The following TTC21B variants were observed in gnomAD, a reference collection of about 807,000 sequenced individuals.
TTC21B encodes the protein tetratricopeptide repeat protein 21B.
In TTC21B, 127 loss-of-function variants were observed where a neutral mutation model predicts 175.1. That is an observed-to-expected ratio of 0.73 (90% CI 0.63 to 0.84). The LOEUF (loss-of-function observed/expected upper bound fraction) is 0.84. Ranked by LOEUF, TTC21B falls within the 40% of genes least tolerant of loss-of-function variation. The pLI, the probability that TTC21B is intolerant of heterozygous loss-of-function variation, is 0.00. For missense variants in TTC21B, 1,561 were observed against 1,558.3 expected (o/e 1.00, Z -0.03); for synonymous variants, 524 against 524.5 (o/e 1.00, Z 0.01).
Position 165,874,580 on chromosome 2 carries a change from G to A in TTC21B, c.*175C>T. ...ACCAGCTCTCATTCAACTCCATTAGGAAACACCAATTTCACATAGTACTTC... is the reference window on the plus strand; with the variant it reads ...ACCAGCTCTCATTCAACTCCATTAGAAAACACCAATTTCACATAGTACTTC... On this transcript the variant is annotated 3_prime_UTR_variant, in exon 29 of 29. Transcript: ENST00000243344. 1.6e-6 allele frequency: 1 copy of A among 613,268 alleles called. No individual in the cohort carries two copies. Among genetic ancestry groups the A allele is most frequent in the Non-Finnish European group, 2.9e-6 (1 of 339,830 alleles). 38.0% of individuals were successfully genotyped at this position (613,268 alleles called of 1,614,324 possible).
intron 8 of TTC21B, 53 bp from the exon 9 acceptor site, chr2:165,930,417 G>T: frequency 7.8e-7 from 1 of 1,277,390 alleles, no homozygotes; most frequent in Non-Finnish European, 1.1e-6. Flanking sequence ...TTTCTACTGA[G>T]ACTAAAGGAT....
Position 165,874,836 on chromosome 2 carries a change from C to A in TTC21B, c.3874-4G>T, listed in dbSNP as rs1380741120. 1 of 1,613,070 alleles carries A rather than the reference C, an allele frequency of 6.2e-7. No individual in the cohort carries two copies. On this transcript the variant is annotated splice_region_variant and splice_polypyrimidine_tract_variant and intron_variant, in intron 28 of 28. Transcript: ENST00000243344. ...AAGTTGGATGTGCTTCAAGAACCTG[C>A]AAAACAAATAAAGAACCCATAAAAA... is the stretch of plus-strand genomic sequence containing the variant.
chr2:165,921,482 T>C lies in TTC21B; in HGVS notation c.1517-2049A>G, dbSNP rs57923832. ...GATTTGGGTTAGTATCCTGTTGCTA[T>C]AATAAAACTGTAATTTCAAGTCTAG... On this transcript the variant is annotated intron_variant, in intron 12 of 28. Coordinates refer to ENST00000243344, the MANE Select transcript of TTC21B (RefSeq NM_024753.5). 5.8e-3 allele frequency among the ~76,000 whole-genome samples: 880 copies of C among 152,306 alleles called. 5 individuals are homozygous for C. The highest frequency in any genetic ancestry group is 0.025 in the East Asian group (127 of 5,182).
intron 22 of TTC21B, among the ~76,000 whole-genome samples, chr2:165,896,369 T>C (rs1215692234): frequency 3.9e-5 from 6 of 152,026 alleles, no homozygotes; most frequent in Non-Finnish European, 8.8e-5. Context: ...ATTTGTTGAG[T>C]ACTAACTAGG....
intron 6 of TTC21B, among the ~76,000 whole-genome samples, chr2:165,936,438 A>G (rs1186950142): frequency 2.0e-5 from 3 of 152,144 alleles, no homozygotes; most frequent in Non-Finnish European, 4.4e-5. Context: ...GGCATAATTC[A>G]TGAAAGAAAG....
intron 5 of TTC21B, among the ~76,000 whole-genome samples, chr2:165,942,622 T>C (rs1463391956): frequency 6.6e-6 from 1 of 152,106 alleles, no homozygotes; most frequent in Non-Finnish European, 1.5e-5. Flanking sequence ...TAGCCCTGAA[T>C]ACACCTTAGG....
Position 165,901,878 on chromosome 2 carries a change from ACG to A in TTC21B, c.2599_2600del (p.Arg867CysfsTer18). The stretch of plus-strand genomic sequence containing the variant: ...CTGCATCTGGCTGTTCCATCTGAAC[ACG>A]TTTTAGTACCCGAGCTTGTAATTCT... Reference protein sequence around the residue: ...ARELQARVLKRVQMEQPDAVP... With the variant: ...ARELQARVLKXVQMEQPDAVP... On this transcript the variant is annotated frameshift_variant, in exon 20 of 29. Transcript: ENST00000243344. LOFTEE classifies it high-confidence loss of function. The A allele has an allele frequency of 6.2e-7, 1 of 1,614,060 alleles. No homozygotes were observed. The highest frequency in any genetic ancestry group is 1.1e-5 in the South Asian group (1 of 91,082).
intron 1 of TTC21B, among the ~76,000 whole-genome samples, chr2:165,952,316 T>C (rs778217476): frequency 3.3e-5 from 5 of 152,194 alleles, no homozygotes; most frequent in Non-Finnish European, 7.3e-5. Context: ...TAAAGTTTTA[T>C]TGAAACACAG....
In TTC21B at chr2:165,929,352, T is replaced by C. The variant is rs763494498; in HGVS notation, c.1186-17A>G. 6.3e-7 allele frequency: 1 copy of C among 1,575,482 alleles called. No individual in the cohort carries two copies. Among genetic ancestry groups the C allele is most frequent in the South Asian group, 1.1e-5 (1 of 89,594 alleles). On this transcript the variant is annotated splice_polypyrimidine_tract_variant and intron_variant, in intron 10 of 28. Coordinates refer to ENST00000243344, the MANE Select transcript of TTC21B (RefSeq NM_024753.5). ...GATTAATTCCTAGAAAATAAGTAGTTTTCATAAATTATTCCATTTAGTTAT... is the reference window on the plus strand; with the variant it reads ...GATTAATTCCTAGAAAATAAGTAGTCTTCATAAATTATTCCATTTAGTTAT...
At chr2:165,880,452 T>C (rs1191230386) in intron 27 of TTC21B, among the ~76,000 whole-genome samples, 2 of 152,306 alleles carry the variant, frequency 1.3e-5, no homozygotes, top group East Asian at 3.9e-4. Context: ...AGAATTAGAC[T>C]AGATGTACAC....
intron 18 of TTC21B, among the ~76,000 whole-genome samples, chr2:165,909,815 T>C (rs1317111946): frequency 6.6e-6 from 1 of 152,182 alleles, no homozygotes; most frequent in East Asian, 1.9e-4. Flanking sequence ...TGGAATACTC[T>C]ACATATGCTA....
At chr2:165,935,780 G>T (rs1687111400) in intron 6 of TTC21B, among the ~76,000 whole-genome samples, 1 of 152,124 alleles carries the variant, frequency 6.6e-6, no homozygotes. Flanking sequence ...AGATTTCTAT[G>T]AGGAAAATTT....
chr2:165,930,732 G>GTGTGTGTGTGTGTGTGTGTGTGTGTGT lies in TTC21B; in HGVS notation c.895-369_895-368insACACACACACACACACACACACACACA. ...TATTTTATGGTTACGTGGGTATGGG[G>GTGTGTGTGTGTGTGTGTGTGTGTGTGT]GTGTGTGTGTGTGTGTGTGTGTGTG... On this transcript the variant is annotated intron_variant, in intron 8 of 28. Transcript: ENST00000243344. Among the ~76,000 whole-genome samples the GTGTGTGTGTGTGTGTGTGTGTGTGTGT allele has an allele frequency of 4.6e-3, 504 of 110,572 alleles. 51 individuals are homozygous for GTGTGTGTGTGTGTGTGTGTGTGTGTGT. The highest frequency in any genetic ancestry group is 7.1e-3 in the Non-Finnish European group (342 of 48,118). The allele number at this position is 110,572 out of a possible 152,430, so 72.5% of individuals were successfully genotyped here.
At position 165,913,588 on chromosome 2, in the gene TTC21B, T is replaced by C. The variant is rs772826953; in HGVS notation, c.2197A>G (p.Met733Val). ...RSFLLLGDAY[M>V]NILEPEEAIV... is the part of the protein sequence containing the mutation. ...AGAAATTTTACCTCTAGAATATTCA[T>C]GTATGCATCACCAAGGAGAAGAAAA... Residue 733 changes from methionine to valine, a missense_variant, in exon 16 of 29, where the codon ATG (methionine) becomes GTG (valine). Coordinates refer to ENST00000243344, the MANE Select transcript of TTC21B (RefSeq NM_024753.5). The C allele has an allele frequency of 8.1e-6, 13 of 1,612,264 alleles. No individual in the cohort carries two copies. In the Admixed American group the frequency reaches 1.3e-4, roughly 17 times the overall value.
At chr2:165,895,551 C>T (rs1157722637) in intron 22 of TTC21B, among the ~76,000 whole-genome samples, 1 of 151,798 alleles carries the variant, frequency 6.6e-6, no homozygotes, top group African/African-American at 2.4e-5. Flanking sequence ...GAAATGGGAA[C>T]AGCTTGAGAT....
In TTC21B at chr2:165,909,135, AAG is replaced by A. The variant is rs200148100; in HGVS notation, c.2462-1353_2462-1352del. Among the ~76,000 whole-genome samples, 1,337 of 152,248 alleles carry A rather than the reference AAG, an allele frequency of 8.8e-3. 21 individuals carry two copies. Among genetic ancestry groups the A allele is most frequent in the African/African-American group, 0.031 (1,275 of 41,560 alleles). On this transcript the variant is annotated intron_variant, in intron 18 of 28. Coordinates refer to ENST00000243344, the MANE Select transcript of TTC21B (RefSeq NM_024753.5). ...TCCTATAATCAGAGCAATGTATATG[AAG>A]GAGTTTATTATAAAATAAAGGAGCC...
chr2:165,918,530 T>C (rs528583696), intron 13 of TTC21B, among the ~76,000 whole-genome samples: 165 of 152,100 alleles, frequency 1.1e-3, no homozygotes, highest in African/African-American at 3.8e-3. Context: ...CTCCTGACCT[T>C]GTGATCTGCC....
At position 165,880,840 on chromosome 2, in the gene TTC21B, T is replaced by A. The variant is rs1323519481; in HGVS notation, c.3685-41A>T. 5 of 1,598,836 alleles carry A rather than the reference T, an allele frequency of 3.1e-6. No homozygotes were observed. In the African/African-American group the frequency reaches 6.7e-5, roughly 21 times the overall value. On this transcript the variant is annotated intron_variant, in intron 26 of 28. Transcript: ENST00000243344. Reference sequence around the variant, plus strand: ...AGACATCAATAGATTAAACTTGATATCACTAAGATTTTATGGGATGTTTGT... The same window carrying A: ...AGACATCAATAGATTAAACTTGATAACACTAAGATTTTATGGGATGTTTGT...
intron 23 of TTC21B, 77 bp downstream of exon 23, chr2:165,890,761 T>G (rs1685160178): frequency 2.6e-6 from 4 of 1,541,430 alleles, no homozygotes; most frequent in Non-Finnish European, 2.7e-6. Context: ...TTTTTTTTAC[T>G]ACAAAGAAAA....
Sources: allele counts gnomAD v4.1 joint callset (sites outside exome capture counted in the v4.1 genomes callset), GRCh38; gene constraint gnomAD v4.1.1; transcripts MANE v1.5; gene names NCBI Gene and HGNC (gene_info 2026-07-23, HGNC 2026-07-21).